Variants in ECT2L observed in about 807,000 individuals in gnomAD.
ECT2L encodes the protein epithelial cell-transforming sequence 2 oncogene-like.
ECT2L carries 126 observed loss-of-function variants against 122.8 expected under a neutral mutation model. That is an observed-to-expected ratio of 1.03 (90% CI 0.89 to 1.19). The LOEUF (loss-of-function observed/expected upper bound fraction) is 1.19, where lower values mean the gene tolerates loss of function less well. Among genes scored for constraint, ECT2L ranks in the 50% most tolerant of loss-of-function variants. The pLI, the probability that ECT2L is intolerant of heterozygous loss-of-function variation, is 0.00. For missense variants in ECT2L, 1,012 were observed against 1,064.1 expected, an observed-to-expected ratio of 0.95 and a Z score of 0.68; for synonymous variants, 385 against 381.8, an observed-to-expected ratio of 1.01 and a Z score of -0.10.
At chr6:138,826,740 C>T (rs11752309) in intron 4 of ECT2L, among the ~76,000 whole-genome samples, 2,644 of 152,110 alleles carry the variant, frequency 0.017, 44 homozygotes, top group Non-Finnish European at 0.025. Context: ...CTTGTAATCC[C>T]CAATACTGAA....
At chr6:138,817,724 T>C (rs1424121292) in intron 4 of ECT2L, among the ~76,000 whole-genome samples, 1 of 152,234 alleles carries the variant, frequency 6.6e-6, no homozygotes, top group African/African-American at 2.4e-5. Context: ...TGGAATTTTA[T>C]GATATTTAAG....
At chr6:138,895,148 A>ATACT (rs1562497850) in intron 20 of ECT2L, among the ~76,000 whole-genome samples, 1 of 152,146 alleles carries the variant, frequency 6.6e-6, no homozygotes, top group Non-Finnish European at 1.5e-5. Context: ...ATATCACACA[A>ATACT]TACTTAGCCT....
chr6:138,877,481 T>C (rs868195491), intron 14 of ECT2L, among the ~76,000 whole-genome samples: 36 of 152,196 alleles, frequency 2.4e-4, no homozygotes, highest in African/African-American at 8.4e-4. Flanking sequence ...ATTATAAATG[T>C]TGGATAACTC....
intron 4 of ECT2L, among the ~76,000 whole-genome samples, chr6:138,834,315 A>C (rs1287012967): frequency 7.1e-6 from 1 of 141,718 alleles, no homozygotes; most frequent in East Asian, 1.9e-4. Context: ...AAACTACCCT[A>C]CCTTAGTTCT....
chr6:138,844,548 T>G lies in ECT2L; in HGVS notation c.732T>G (p.Leu244=). The part of the protein sequence containing the change: ...VGLHEALEKQ[L]VLTSLETLPK... ...TACATGAAGCTTTGGAGAAACAGCT[T>G]GTTTTGACATCGTTAGAAACCTTGC... is the stretch of plus-strand genomic sequence containing the variant. Residue 244 remains leucine, a synonymous_variant, in exon 7 of 22, where the codon CTT becomes CTG. Coordinates refer to ENST00000541398, the MANE Select transcript of ECT2L (RefSeq NM_001077706.3). The G allele has an allele frequency of 6.2e-7, 1 of 1,614,172 alleles. No individual in the cohort carries two copies. The highest frequency in any genetic ancestry group is 8.5e-7 in the Non-Finnish European group (1 of 1,180,028).
chr6:138,867,655 CAAAAA>C (rs71009601), intron 12 of ECT2L, among the ~76,000 whole-genome samples: 34,392 of 114,028 alleles, frequency 0.3, 5,036 homozygotes, highest in Admixed American at 0.4. Context: ...CCTAAAACTA[CAAAAA>C]AAAAAAAAAA....
chr6:138,872,969 T>C (rs1356525926), intron 13 of ECT2L, among the ~76,000 whole-genome samples: 2 of 152,206 alleles, frequency 1.3e-5, no homozygotes, highest in African/African-American at 4.8e-5. Flanking sequence ...TCTGGGCTCA[T>C]TGAAACCTAA....
chr6:138,834,499 A>T (rs534862129), intron 4 of ECT2L, among the ~76,000 whole-genome samples: 1 of 152,282 alleles, frequency 6.6e-6, no homozygotes, highest in Non-Finnish European at 1.5e-5. Flanking sequence ...CTCTGCTGGG[A>T]TGGAACAATA....
chr6:138,807,693 CATTTATT>C (rs1475929304), intron 1 of ECT2L, among the ~76,000 whole-genome samples: 1 of 151,980 alleles, frequency 6.6e-6, no homozygotes, highest in African/African-American at 2.4e-5. Flanking sequence ...AAATAATAAT[CATTTATT>C]ATTTCTCATG....
intron 14 of ECT2L, among the ~76,000 whole-genome samples, chr6:138,877,070 T>G (rs899558176): frequency 6.6e-6 from 1 of 152,202 alleles, no homozygotes; most frequent in Non-Finnish European, 1.5e-5. Context: ...AACACACTTA[T>G]TATCACCTTT....
chr6:138,797,814 G>A (rs1222022330), intron 1 of ECT2L, among the ~76,000 whole-genome samples: 1 of 152,056 alleles, frequency 6.6e-6, no homozygotes, highest in African/African-American at 2.4e-5. Flanking sequence ...TGTACCTGGA[G>A]TTAGTGTCAG....
At chr6:138,851,112 C>T (rs553944326) in intron 9 of ECT2L, among the ~76,000 whole-genome samples, 16 of 151,662 alleles carry the variant, frequency 1.1e-4, no homozygotes, top group Non-Finnish European at 1.9e-4. Context: ...CAACAGTGCA[C>T]GACATTTACA....
At chr6:138,830,187 A>C (rs1007987449) in intron 4 of ECT2L, among the ~76,000 whole-genome samples, 3 of 152,232 alleles carry the variant, frequency 2.0e-5, no homozygotes, top group African/African-American at 7.2e-5. Context: ...TACAGAAGTC[A>C]CATCTAGAAA....
intron 1 of ECT2L, among the ~76,000 whole-genome samples, chr6:138,799,060 G>T (rs1389736141): frequency 1.3e-5 from 2 of 152,194 alleles, no homozygotes; most frequent in Non-Finnish European, 2.9e-5. Context: ...CTCTGAATCT[G>T]CTGTGATTCT....
At chr6:138,856,284 G>A (rs1027287427) in intron 10 of ECT2L, among the ~76,000 whole-genome samples, 24 of 152,164 alleles carry the variant, frequency 1.6e-4, no homozygotes, top group African/African-American at 5.1e-4. Flanking sequence ...GCGTGATCTC[G>A]GCTCACTGCA....
At chr6:138,816,141 A>C (rs183315708) in intron 4 of ECT2L, among the ~76,000 whole-genome samples, 8 of 152,362 alleles carry the variant, frequency 5.3e-5, no homozygotes, top group Non-Finnish European at 1.5e-5. Flanking sequence ...CTTTCAAGAT[A>C]AGAAAATAAC....
chr6:138,881,282 G>A (rs1423487364), intron 15 of ECT2L, 111 bp downstream of exon 15: 3 of 1,081,880 alleles, frequency 2.8e-6, no homozygotes, highest in East Asian at 2.6e-5. Context: ...ACCCTCTTAG[G>A]GACCCTGATT....
At chr6:138,821,050 G>T (rs1186275533) in intron 4 of ECT2L, among the ~76,000 whole-genome samples, 1 of 152,182 alleles carries the variant, frequency 6.6e-6, no homozygotes, top group Non-Finnish European at 1.5e-5. Context: ...ACACAGGCGT[G>T]GGTGACCTGA....
Position 138,885,482 on chromosome 6 carries a change from G to A in ECT2L, c.2029-24G>A, listed in dbSNP as rs191130298. Reference sequence around the variant, plus strand: ...CTTTACAACTATCTCATAAAGTTTTGACAATATAATCCTCACCTTTTAGTG... The same window carrying A: ...CTTTACAACTATCTCATAAAGTTTTAACAATATAATCCTCACCTTTTAGTG... On this transcript the variant is annotated intron_variant, in intron 16 of 21. Transcript: ENST00000541398. 4.1e-4 allele frequency: 656 copies of A among 1,612,104 alleles called. 2 individuals are homozygous for A. Among genetic ancestry groups the A allele is most frequent in the Admixed American group, 6.8e-4 (41 of 59,998 alleles).
Sources: gnomAD v4.1 joint callset for allele counts (sites outside exome capture counted in the v4.1 genomes callset) on GRCh38, gnomAD v4.1.1 for gene constraint, MANE v1.5 for transcripts, NCBI Gene and HGNC (gene_info 2026-07-23, HGNC 2026-07-21) for gene names.